STING1: variants seen among roughly 807,000 people sequenced by gnomAD.
STING1 encodes stimulator of interferon genes protein.
In STING1, 19 loss-of-function variants were observed where a neutral mutation model predicts 31.6. That is an observed-to-expected ratio of 0.60 (90% CI 0.42 to 0.88). STING1 has a LOEUF of 0.88. Among genes scored for constraint, STING1 ranks in the 40% least tolerant of loss-of-function variants. The pLI, the probability that STING1 is intolerant of heterozygous loss-of-function variation, is 0.00. For synonymous variants in STING1, 200 were observed against 208.6 expected, an observed-to-expected ratio of 0.96 and a Z score of 0.35; for missense variants, 371 against 483.7, an observed-to-expected ratio of 0.77 and a Z score of 2.19.
chr5:139,475,582 T>A lies in STING1; in HGVS notation c.*679A>T, dbSNP rs1462740840. The A allele has an allele frequency of 6.6e-6, 1 of 152,034 alleles. No homozygotes were observed. Among genetic ancestry groups the A allele is most frequent in the African/African-American group, 2.4e-5 (1 of 41,332 alleles). The allele number at this position is 152,034 out of a possible 1,614,324, so 9.4% of individuals were successfully genotyped here. ...GGACCGTTGAGAAAGGGGTGGAGTATAAGGAAACCGCAAGTGAGAGGGAGT... is the reference window on the plus strand; with the variant it reads ...GGACCGTTGAGAAAGGGGTGGAGTAAAAGGAAACCGCAAGTGAGAGGGAGT... On this transcript the variant is annotated 3_prime_UTR_variant, in exon 8 of 8. Transcript: ENST00000330794.
rs529144129 is a variant in STING1, at chr5:139,476,474, G to A, written c.947-20C>T. On this transcript the variant is annotated intron_variant, in intron 7 of 7. Coordinates refer to ENST00000330794, the MANE Select transcript of STING1 (RefSeq NM_198282.4). ...CAGGTTCTGGAACAGGGAGATAGGG[G>A]AGAGAGTAATGAGGATCTTACCCAT... 4.3e-6 allele frequency: 7 copies of A among 1,609,534 alleles called. No individual in the cohort carries two copies. In the East Asian group the frequency reaches 8.9e-5, roughly 21 times the overall value.
chr5:139,479,233 AAACAAC>A (rs79292081), intron 5 of STING1: 21,749 of 147,326 alleles, frequency 0.15, 1,674 homozygotes, highest in Middle Eastern at 0.21. Flanking sequence ...CTTCATCTCA[AAACAAC>A]AACAACAACA....
At chr5:139,476,639 G>T (rs560690324) in intron 7 of STING1, among the ~76,000 whole-genome samples, 185 bp from the exon 8 acceptor site, 124 of 152,234 alleles carry the variant, frequency 8.1e-4, no homozygotes, top group Non-Finnish European at 1.5e-3. Flanking sequence ...TGGCACAGTG[G>T]CTCACGCCTG....
Position 139,481,185 on chromosome 5 carries a change from C to A in STING1, c.385G>T (p.Ala129Ser), listed in dbSNP as rs1751830388. 1.2e-6 allele frequency: 2 copies of A among 1,614,198 alleles called. No individual in the cohort carries two copies. The highest frequency in any genetic ancestry group is 1.7e-6 in the Non-Finnish European group (2 of 1,180,032). Residue 129 changes from alanine (A) to serine (S), a missense_variant, in exon 4 of 8, where the codon GCA (alanine) becomes TCA (serine). Physicochemically the swap from Ala to Ser is moderately conservative, Grantham distance 99. Transcript: ENST00000330794. This position sits in a 1 kb window ranked among gnomAD's most constrained non-coding sequence, Gnocchi z 4.1. The part of the protein sequence containing the change: ...WMLALLGLSQ[A>S]LNILLGLKGL... ...TTGAGGCCCAGGAGGATGTTCAGTG[C>A]CTGCGAGAGGCCCAGGAGGGCAAGC...
At chr5:139,479,278 CAACAAA>C (rs1215261041) in intron 5 of STING1, 1 of 142,412 alleles carries the variant, frequency 7.0e-6, no homozygotes, top group Admixed American at 7.3e-5. Context: ...ACAACAACAA[CAACAAA>C]CACAGGCTCC....
intron 5 of STING1, chr5:139,478,894 T>C (rs1292811634): frequency 1.0e-5 from 2 of 200,112 alleles, no homozygotes; most frequent in Non-Finnish European, 1.0e-5. Context: ...CAATGAGATA[T>C]GGAAGAGCTG....
intron 6 of STING1, 105 bp downstream of exon 6, chr5:139,478,165 T>G (rs1355868142): frequency 1.2e-6 from 1 of 865,144 alleles, no homozygotes; most frequent in Non-Finnish European, 1.8e-6. Flanking sequence ...CTAGGGACAC[T>G]ACAGCTCAGA....
Position 139,476,174 on chromosome 5 carries a change from G to A in STING1, c.*87C>T. 1.3e-5 allele frequency: 14 copies of A among 1,081,728 alleles called. 1 individual carries two copies. In the South Asian group the frequency reaches 2.2e-4, roughly 17 times the overall value. The allele number at this position is 1,081,728 out of a possible 1,614,324, so 67.0% of individuals were successfully genotyped here. ...GCAAGGCCCCCTGTGGAAGGAAATAGCTCTGCTGGACATTCAGCCACTGAA... is the reference window on the plus strand; with the variant it reads ...GCAAGGCCCCCTGTGGAAGGAAATAACTCTGCTGGACATTCAGCCACTGAA... On this transcript the variant is annotated 3_prime_UTR_variant, in exon 8 of 8. Coordinates refer to ENST00000330794, the MANE Select transcript of STING1 (RefSeq NM_198282.4).
At position 139,480,879 on chromosome 5, in the gene STING1, A is replaced by G. The variant is rs1252618649; in HGVS notation, c.431T>C (p.Ile144Thr). The change falls in exon 5 of 8, where the codon ATC (isoleucine) becomes ACC (threonine). Residue 144 changes from isoleucine to threonine, a missense_variant. Coordinates refer to ENST00000330794, the MANE Select transcript of STING1 (RefSeq NM_198282.4). ...LGLKGLAPAEISAVCEKGNFN... is the reference protein window; with the variant it reads ...LGLKGLAPAETSAVCEKGNFN... ...ATTCCCTTTTTCACACACTGCAGAG[A>G]TCTCAGCTGGGGCCAGGCCCTGTGG... 2 of 1,613,886 alleles carry G rather than the reference A, an allele frequency of 1.2e-6. No individual in the cohort carries two copies. Among genetic ancestry groups the G allele is most frequent in the South Asian group, 2.2e-5 (2 of 91,056 alleles).
intron 6 of STING1, 37 bp downstream of exon 6, chr5:139,478,233 C>T (rs781142772): frequency 1.3e-6 from 2 of 1,514,028 alleles, no homozygotes; most frequent in Admixed American, 3.4e-5. Flanking sequence ...GGGGTCCTGA[C>T]CCCTCCTCAG....
chr5:139,481,453 G>A lies in STING1; in HGVS notation c.227+25C>T, dbSNP rs371168411. Reference sequence around the variant, plus strand: ...GGGAGTGACACACGTTGGATACCCCGTCCCTGGGTACTGCAGTGAGTCACC... The same window carrying A: ...GGGAGTGACACACGTTGGATACCCCATCCCTGGGTACTGCAGTGAGTCACC... On this transcript the variant is annotated intron_variant, in intron 3 of 7. Coordinates refer to ENST00000330794, the MANE Select transcript of STING1 (RefSeq NM_198282.4). This position sits in a 1 kb window ranked among gnomAD's most constrained non-coding sequence, Gnocchi z 4.1. 36 of 1,607,416 alleles carry A rather than the reference G, an allele frequency of 2.2e-5. No individual in the cohort carries two copies. In the East Asian group the frequency reaches 2.5e-4, roughly 11 times the overall value.
At chr5:139,480,962 C>A in intron 4 of STING1, 64 bp from the exon 5 acceptor site, 1 of 1,351,518 alleles carries the variant, frequency 7.4e-7, no homozygotes, top group South Asian at 1.2e-5. Context: ...TCCTCCTCCT[C>A]CTCCAAGGCT....
At chr5:139,477,152 A>T (rs1300858023) in intron 7 of STING1, among the ~76,000 whole-genome samples, 177 bp downstream of exon 7, 3 of 152,162 alleles carry the variant, frequency 2.0e-5, no homozygotes, top group African/African-American at 7.2e-5. Flanking sequence ...GAGGGATTAC[A>T]GTCAAAGACC....
Position 139,478,688 on chromosome 5 carries a change from C to T in STING1, c.521-180G>A, listed in dbSNP as rs1381841454. 1.3e-5 allele frequency: 8 copies of T among 619,416 alleles called. No homozygotes were observed. The Middle Eastern group carries it at 2.7e-3, about 206-fold the overall frequency. The allele number at this position is 619,416 out of a possible 1,614,324, so 38.4% of individuals were successfully genotyped here. A position where few individuals can be genotyped will look rare whatever the true frequency, so the allele number is the denominator to read the frequency against. ...GCCTCCAAAAGCCCTCCCCACCCCT[C>T]CTCTTACTGCACCACCCTTTACCCT... On this transcript the variant is annotated intron_variant, in intron 5 of 7. Coordinates refer to ENST00000330794, the MANE Select transcript of STING1 (RefSeq NM_198282.4).
At position 139,477,431 on chromosome 5, in the gene STING1, C is replaced by T. The variant is rs1199879569; in HGVS notation, c.844G>A (p.Glu282Lys). The change falls in exon 7 of 8, where the codon GAG (glutamate) becomes AAG (lysine). Residue 282 changes from glutamate (E) to lysine (K), a missense_variant. Glu to Lys is a moderately conservative substitution (Grantham distance 56, BLOSUM62 1). Coordinates refer to ENST00000330794, the MANE Select transcript of STING1 (RefSeq NM_198282.4). ...SQYSQAGFSR[E>K]DRLEQAKLFC... is the part of the protein sequence containing the mutation. ...AGTTTGGCCTGCTCAAGCCTATCCT[C>T]CCGGCTAAAGCCAGCTTGACTGTAT... 5.6e-6 allele frequency: 9 copies of T among 1,614,114 alleles called. No homozygotes were observed. The South Asian group carries it at 6.6e-5, about 12-fold the overall frequency.
At chr5:139,478,683 C>G (rs1581450834) in intron 5 of STING1, 175 bp from the exon 6 acceptor site, 1 of 631,296 alleles carries the variant, frequency 1.6e-6, no homozygotes, top group Admixed American at 2.7e-5. Context: ...GCCCTCCCCA[C>G]CCCTCCTCTT....
chr5:139,481,784 C>T lies in STING1; in HGVS notation c.1-80G>A, dbSNP rs535594619. The T allele has an allele frequency of 1.8e-5, 21 of 1,191,162 alleles. No individual in the cohort carries two copies. The Admixed American group carries it at 4.7e-4, about 27-fold the overall frequency. The allele number at this position is 1,191,162 out of a possible 1,614,324, so 73.8% of individuals were successfully genotyped here. A position where few individuals can be genotyped will look rare whatever the true frequency, so the allele number is the denominator to read the frequency against. On this transcript the variant is annotated intron_variant, in intron 2 of 7. Transcript: ENST00000330794. This position sits in a 1 kb window ranked among gnomAD's most constrained non-coding sequence, Gnocchi z 4.1. ...GGACTGAGGCTCTGGCTGGGCACTT[C>T]CTCCCAGTTCCCCTTTCCCTGGTGC...
chr5:139,476,377 T>G lies in STING1; in HGVS notation c.1024A>C (p.Thr342Pro). ...HLRQEEKEEVTVGSLKTSAVP... is the reference protein window; with the variant it reads ...HLRQEEKEEVPVGSLKTSAVP... ...GCTGAGGTCTTCAAGCTGCCCACAG[T>G]AACCTCTTCCTTTTCCTCCTGCCGC... Residue 342 changes from threonine to proline, a missense_variant, in exon 8 of 8, where the codon ACT becomes CCT. Physicochemically the swap from Thr to Pro is conservative, Grantham distance 38 (BLOSUM62 -1). Transcript: ENST00000330794. The G allele has an allele frequency of 6.2e-7, 1 of 1,612,800 alleles. No individual in the cohort carries two copies. Among genetic ancestry groups the G allele is most frequent in the Non-Finnish European group, 8.5e-7 (1 of 1,180,024 alleles).
intron 5 of STING1, among the ~76,000 whole-genome samples, chr5:139,479,848 CAAAAA>C (rs1168023127): frequency 2.6e-4 from 9 of 34,914 alleles, no homozygotes; most frequent in Non-Finnish European, 3.8e-4. Context: ...ACTAAAAATA[CAAAAA>C]AAAAAAAAAA....
Sources: allele counts gnomAD v4.1 joint callset (sites outside exome capture counted in the v4.1 genomes callset), GRCh38; gene constraint gnomAD v4.1.1; non-coding constraint Gnocchi (gnomAD v3.1); transcripts MANE v1.5; gene names NCBI Gene and HGNC (gene_info 2026-07-23, HGNC 2026-07-21).